Variants in PEAK1 observed in about 807,000 individuals in gnomAD.
PEAK1 encodes the protein pseudopodium enriched atypical kinase 1.
Under a neutral mutation model 124.7 loss-of-function variants are expected in PEAK1, and 54 were observed. That is an observed-to-expected ratio of 0.43 (90% CI 0.35 to 0.54). The LOEUF (loss-of-function observed/expected upper bound fraction) is 0.54. PEAK1 is among the 20% of genes least tolerant of loss of function. The pLI is 0.01. For synonymous variants in PEAK1, 719 were observed against 760.0 expected, an observed-to-expected ratio of 0.95 and a Z score of 0.89; for missense variants, 2,046 against 2,134.5, an observed-to-expected ratio of 0.96 and a Z score of 0.82.
At chr15:77,275,166 AATG>A (rs2062244298) in intron 5 of PEAK1, among the ~76,000 whole-genome samples, 1 of 152,118 alleles carries the variant, frequency 6.6e-6, no homozygotes, top group South Asian at 2.1e-4. Context: ...GACTTGGAGG[AATG>A]ATAAGAGGGA....
intron 9 of PEAK1, among the ~76,000 whole-genome samples, chr15:77,122,788 T>G (rs2052033762): frequency 6.6e-6 from 1 of 152,218 alleles, no homozygotes; most frequent in South Asian, 2.1e-4. Context: ...AAAATATTTA[T>G]TTTGAATTAT....
chr15:77,320,822 A>G (rs1472456291), intron 2 of PEAK1, among the ~76,000 whole-genome samples: 1 of 147,398 alleles, frequency 6.8e-6, no homozygotes, highest in East Asian at 2.0e-4. Flanking sequence ...CCCCCACAGC[A>G]CAACAGGCCC....
At chr15:77,150,588 T>G (rs113075907) in intron 8 of PEAK1, among the ~76,000 whole-genome samples, 14,333 of 152,040 alleles carry the variant, frequency 0.094, 748 homozygotes, top group Admixed American at 0.1. Context: ...TGTATACATG[T>G]GCCATGTTGG....
At chr15:77,314,034 T>G (rs979797297) in intron 2 of PEAK1, among the ~76,000 whole-genome samples, 1 of 152,202 alleles carries the variant, frequency 6.6e-6, no homozygotes, top group Middle Eastern at 3.4e-3. Context: ...TATGATGTGA[T>G]GAGAATGGTA....
intron 6 of PEAK1, among the ~76,000 whole-genome samples, chr15:77,226,915 A>G (rs2059703038): frequency 6.6e-6 from 1 of 152,182 alleles, no homozygotes; most frequent in South Asian, 2.1e-4. Context: ...TGGATCATAC[A>G]CTTAGATCAT....
At chr15:77,242,261 T>C (rs1021898732) in intron 6 of PEAK1, among the ~76,000 whole-genome samples, 3 of 152,120 alleles carry the variant, frequency 2.0e-5, no homozygotes, top group African/African-American at 4.8e-5. Context: ...TGTGTACATA[T>C]ATATTTTAAA....
chr15:77,194,621 C>T (rs967734973), intron 6 of PEAK1, among the ~76,000 whole-genome samples: 1 of 152,144 alleles, frequency 6.6e-6, no homozygotes, highest in Non-Finnish European at 1.5e-5. Context: ...TTACTCCACC[C>T]CCCGACCCCC....
chr15:77,349,519 C>G (rs1165718953), intron 2 of PEAK1: 1 of 985,010 alleles, frequency 1.0e-6, no homozygotes, highest in African/African-American at 1.7e-5. Context: ...TATAATGTAG[C>G]AAGACTTACT....
chr15:77,230,920 T>C (rs2059886540), intron 6 of PEAK1, among the ~76,000 whole-genome samples: 1 of 151,914 alleles, frequency 6.6e-6, no homozygotes, highest in African/African-American at 2.4e-5. Context: ...AGTACTAGTA[T>C]GAAGAAGTAA....
intron 5 of PEAK1, among the ~76,000 whole-genome samples, chr15:77,276,102 C>T (rs1430444783): frequency 6.6e-6 from 1 of 152,030 alleles, no homozygotes; most frequent in Non-Finnish European, 1.5e-5. Context: ...ACTTTGGTGA[C>T]TCGTGAAACT....
intron 7 of PEAK1, among the ~76,000 whole-genome samples, chr15:77,173,276 G>C (rs2056633402): frequency 1.3e-5 from 2 of 151,974 alleles, no homozygotes; most frequent in Admixed American, 1.3e-4. Flanking sequence ...ACCTTACATG[G>C]ACCATACTTT....
chr15:77,412,183 G>A (rs1056115183), intron 1 of PEAK1, among the ~76,000 whole-genome samples: 2 of 152,086 alleles, frequency 1.3e-5, no homozygotes, highest in Non-Finnish European at 2.9e-5. Context: ...CTCTTCTCTA[G>A]CTACCCTCAC....
intron 9 of PEAK1, among the ~76,000 whole-genome samples, chr15:77,126,068 G>A (rs1452915145): frequency 6.6e-6 from 1 of 152,086 alleles, no homozygotes; most frequent in African/African-American, 2.4e-5. Flanking sequence ...TCCAAAATCT[G>A]ATTCTTGTTT....
intron 6 of PEAK1, among the ~76,000 whole-genome samples, chr15:77,199,207 C>T (rs1322320260): frequency 6.6e-6 from 1 of 152,146 alleles, no homozygotes; most frequent in African/African-American, 2.4e-5. Context: ...AGATTGGTTC[C>T]ATCAATGCTT....
intron 6 of PEAK1, among the ~76,000 whole-genome samples, chr15:77,202,596 C>T (rs1361179547): frequency 6.6e-6 from 1 of 150,958 alleles, no homozygotes. Context: ...GAAACCCCGT[C>T]TCTACTAAAA....
intron 2 of PEAK1, among the ~76,000 whole-genome samples, chr15:77,322,649 C>G (rs1248431974): frequency 6.6e-6 from 1 of 152,056 alleles, no homozygotes; most frequent in East Asian, 1.9e-4. Flanking sequence ...AGCTTACCAA[C>G]CAAAAAAAGT....
At chr15:77,354,657 T>A (rs2067397840) in intron 2 of PEAK1, among the ~76,000 whole-genome samples, 1 of 152,340 alleles carries the variant, frequency 6.6e-6, no homozygotes, top group South Asian at 2.1e-4. Flanking sequence ...ATGGTGGTTA[T>A]GAATACATAG....
chr15:77,420,901 C>T (rs535095914), upstream of PEAK1: 8 of 398,630 alleles, frequency 2.0e-5, no homozygotes, highest in Non-Finnish European at 3.5e-5. Context: ...TGTGAGACGA[C>T]GAGTGCGTGA....
chr15:77,377,418 T>C (rs1254128937), intron 1 of PEAK1, among the ~76,000 whole-genome samples: 1 of 150,994 alleles, frequency 6.6e-6, no homozygotes, highest in African/African-American at 2.4e-5. Context: ...CAGATAAACA[T>C]AGACAAGGTA....
Sources: gnomAD v4.1 joint callset for allele counts (sites outside exome capture counted in the v4.1 genomes callset) on GRCh38, gnomAD v4.1.1 for gene constraint, MANE v1.5 for transcripts, NCBI Gene and HGNC (gene_info 2026-07-23, HGNC 2026-07-21) for gene names.